The following TENT5D variants were observed in gnomAD, a reference collection of about 807,000 sequenced individuals.
TENT5D encodes the protein cancer/testis antigen 112.
For missense variants in TENT5D, 191 were observed against 287.0 expected (o/e 0.67, Z 2.42); for synonymous variants, 103 against 100.6 (o/e 1.02, Z -0.15).
At chrX:80,379,908 G>A (rs1176544171) in intron 3 of TENT5D, among the ~76,000 whole-genome samples, 2 of 107,840 alleles carry the variant, frequency 1.9e-5, no homozygotes, top group African/African-American at 3.4e-5. Context: ...CAAAAAACCG[G>A]CTCCTGGATT....
In TENT5D at chrX:80,357,547, G is replaced by A. The variant is rs186992705; in HGVS notation, c.-142+14983G>A. Among the ~76,000 whole-genome samples the A allele has an allele frequency of 3.4e-3, 383 of 111,133 alleles. 2 individuals are homozygous for A. The highest frequency in any genetic ancestry group is 0.012 in the African/African-American group (364 of 30,558). On this transcript the variant is annotated intron_variant, in intron 3 of 4. Coordinates refer to the TENT5D transcript ENST00000538312. ...GCATTTTTTCATGTGTTTTTTGGCC[G>A]CATAAATGTCTTCTTTTGAGAAGTA...
upstream of TENT5D, among the ~76,000 whole-genome samples, chrX:80,415,495 A>AT (rs983357499): frequency 9.0e-6 from 1 of 111,664 alleles, no homozygotes; most frequent in Non-Finnish European, 1.9e-5. Context: ...GTTTATTAAG[A>AT]TTTTTTAACA....
intron 3 of TENT5D, among the ~76,000 whole-genome samples, chrX:80,344,757 A>G (rs762561551): frequency 9.0e-6 from 1 of 111,493 alleles, no homozygotes; most frequent in Non-Finnish European, 1.9e-5. Context: ...AGAAGTTTCA[A>G]TAAACAATTT....
chrX:80,372,061 G>A (rs1930632746), intron 3 of TENT5D, among the ~76,000 whole-genome samples: 1 of 111,425 alleles, frequency 9.0e-6, no homozygotes, highest in African/African-American at 3.3e-5. Flanking sequence ...ATTCCCTGAA[G>A]TTTAAATTAC....
At chrX:80,342,486 T>G (rs1929979316) in intron 2 of TENT5D, 1 of 112,493 alleles carries the variant, frequency 8.9e-6, no homozygotes, top group Non-Finnish European at 1.9e-5. Context: ...ACTTTCTATT[T>G]CTTTTTTATT....
At chrX:80,384,330 A>C (rs766621370) in intron 3 of TENT5D, among the ~76,000 whole-genome samples, 5 of 79,104 alleles carry the variant, frequency 6.3e-5, no homozygotes, top group African/African-American at 2.4e-4. Flanking sequence ...AAACCACATG[A>C]TTATCTCAAT....
chrX:80,382,570 G>A (rs1458414664), intron 3 of TENT5D, among the ~76,000 whole-genome samples: 1 of 112,036 alleles, frequency 8.9e-6, no homozygotes, highest in Admixed American at 9.4e-5. Flanking sequence ...CTTTTGTTTA[G>A]GTGTGTCCTG....
At chrX:80,375,868 T>C (rs1348640428) in intron 3 of TENT5D, among the ~76,000 whole-genome samples, 1 of 112,087 alleles carries the variant, frequency 8.9e-6, no homozygotes, top group Non-Finnish European at 1.9e-5. Context: ...TTTATTCTCT[T>C]AAGATTGTAG....
chrX:80,411,002 C>A (rs1046384655), intron 3 of TENT5D, among the ~76,000 whole-genome samples: 1 of 103,105 alleles, frequency 9.7e-6, no homozygotes, highest in African/African-American at 3.6e-5. Flanking sequence ...GAACAAAAAA[C>A]CAAACACCTC....
intron 1 of TENT5D, among the ~76,000 whole-genome samples, chrX:80,423,201 C>T (rs1602219593): frequency 8.9e-6 from 1 of 112,118 alleles, no homozygotes; most frequent in South Asian, 3.7e-4. Flanking sequence ...TTACCAGCTA[C>T]AGCCACTGGA....
chrX:80,361,049 G>A (rs966176550), intron 3 of TENT5D, among the ~76,000 whole-genome samples: 3 of 111,313 alleles, frequency 2.7e-5, no homozygotes, highest in African/African-American at 9.8e-5. Flanking sequence ...TTCCAATCTA[G>A]TCTTTTTGTT....
At chrX:80,435,293 GCTTATTT>G (rs1209286648) in intron 1 of TENT5D, among the ~76,000 whole-genome samples, 1 of 111,871 alleles carries the variant, frequency 8.9e-6, no homozygotes, top group Non-Finnish European at 1.9e-5. Flanking sequence ...ACTTCCTCAT[GCTTATTT>G]AAATCTGTTG....
At chrX:80,440,318 G>T (rs997992820) in intron 2 of TENT5D, among the ~76,000 whole-genome samples, 1 of 111,052 alleles carries the variant, frequency 9.0e-6, no homozygotes, top group Admixed American at 9.7e-5. Context: ...ATCTTTGCAA[G>T]ATCTTACTGC....
chrX:80,389,016 G>A (rs959436051), intron 3 of TENT5D, among the ~76,000 whole-genome samples: 7 of 111,481 alleles, frequency 6.3e-5, no homozygotes, highest in Non-Finnish European at 5.6e-5. Flanking sequence ...TGCTGTGAGA[G>A]GGCAGCACTG....
exon 3 of TENT5D, chrX:80,442,913 T>C (rs779051485): frequency 3.3e-6 from 4 of 1,211,228 alleles, no homozygotes; most frequent in East Asian, 3.0e-5. Flanking sequence ...TCCCCAGATA[T>C]CATGAAAGAC....
chrX:80,420,778 T>C (rs1602218541), intron 1 of TENT5D, among the ~76,000 whole-genome samples: 2 of 112,199 alleles, frequency 1.8e-5, no homozygotes. Context: ...ATAATTGTTT[T>C]AATATTTTAT....
chrX:80,377,764 C>G, intron 3 of TENT5D, among the ~76,000 whole-genome samples: 1 of 111,592 alleles, frequency 9.0e-6, no homozygotes, highest in East Asian at 2.8e-4. Flanking sequence ...AATGGGGTCC[C>G]TGGGTCAAAT....
At chrX:80,397,464 G>C (rs962180397) in intron 3 of TENT5D, among the ~76,000 whole-genome samples, 10 of 107,217 alleles carry the variant, frequency 9.3e-5, no homozygotes, top group African/African-American at 3.4e-4. Flanking sequence ...CCAGGCAGAG[G>C]GGCTCCTCAC....
chrX:80,353,114 C>G (rs1260650403), intron 3 of TENT5D, among the ~76,000 whole-genome samples: 1 of 112,331 alleles, frequency 8.9e-6, no homozygotes, highest in Non-Finnish European at 1.9e-5. Flanking sequence ...GGAGCTGTTC[C>G]TATTCTGCCA....
Sources: allele counts gnomAD v4.1 joint callset (sites outside exome capture counted in the v4.1 genomes callset), GRCh38; gene constraint gnomAD v4.1.1; transcripts MANE v1.5; gene names NCBI Gene and HGNC (gene_info 2026-07-23, HGNC 2026-07-21).